Variants in LRBA observed in about 807,000 individuals in gnomAD.
LRBA encodes the protein LPS responsive beige-like anchor protein.
A neutral mutation model predicts 330.0 loss-of-function variants in LRBA; 176 were observed. That is an observed-to-expected ratio of 0.53 (90% CI 0.47 to 0.60). The LOEUF is 0.60. Ranked by LOEUF, LRBA falls within the 20% of genes least tolerant of loss-of-function variation. The probability of loss-of-function intolerance (pLI) is 0.00; values close to 1 mark genes in which losing one functional copy is unlikely to be tolerated. For synonymous variants in LRBA, 1,230 were observed against 1,193.0 expected (o/e 1.03, Z -0.64); for missense variants, 3,259 against 3,444.8 (o/e 0.95, Z 1.35).
chr4:150,589,632 C>A (rs897942344), intron 39 of LRBA, among the ~76,000 whole-genome samples: 2 of 152,234 alleles, frequency 1.3e-5, no homozygotes, highest in African/African-American at 4.8e-5. Flanking sequence ...CTAGGTCCTA[C>A]AGAAGACCCC....
intron 37 of LRBA, among the ~76,000 whole-genome samples, chr4:150,660,669 CG>C (rs1780963493): frequency 1.5e-5 from 2 of 137,264 alleles, no homozygotes; most frequent in Non-Finnish European, 3.2e-5. Flanking sequence ...GGATGGTTGC[CG>C]TGTCTGTGTA....
chr4:150,722,809 G>A (rs907109955), intron 36 of LRBA, among the ~76,000 whole-genome samples: 2 of 151,820 alleles, frequency 1.3e-5, no homozygotes, highest in Admixed American at 6.6e-5. Flanking sequence ...GCATTGAGGG[G>A]GGCAGGAGAG....
chr4:150,852,058 G>C lies in LRBA; in HGVS notation c.3652C>G (p.Leu1218Val). Residue 1218 changes from leucine (L) to valine (V), a missense_variant, in exon 23 of 57, where the codon CTC becomes GTC. Physicochemically the swap from Leu to Val is conservative, Grantham distance 32. Transcript: ENST00000651943. ...MLEEGKKATN[L>V]TRETKLINDC... is the part of the protein sequence containing the mutation. ...TTAATTAATTTGGTTTCTCTAGTGA[G>C]GTTAGTTGCTTTCTTCCCTTCCTCC... is the stretch of plus-strand genomic sequence containing the variant. 1 of 1,614,100 alleles carries C rather than the reference G, an allele frequency of 6.2e-7. No homozygotes were observed.
intron 46 of LRBA, among the ~76,000 whole-genome samples, chr4:150,422,265 C>A (rs998030602): frequency 3.3e-5 from 5 of 151,996 alleles, no homozygotes; most frequent in African/African-American, 7.2e-5. Context: ...TGTCTCAAAA[C>A]AAAAACCCAA....
At chr4:150,967,207 C>T (rs1196517019) in intron 2 of LRBA, among the ~76,000 whole-genome samples, 1 of 152,188 alleles carries the variant, frequency 6.6e-6, no homozygotes, top group African/African-American at 2.4e-5. Context: ...CCACCTCAAG[C>T]TTCTCAAGAC....
chr4:150,659,716 A>G (rs1581959014), intron 37 of LRBA, among the ~76,000 whole-genome samples: 1 of 6,894 alleles, frequency 1.5e-4, no homozygotes, highest in African/African-American at 1.9e-4. Flanking sequence ...GCCATCCGGG[A>G]GGGAGGTGGG....
intron 37 of LRBA, among the ~76,000 whole-genome samples, chr4:150,670,570 C>T (rs1053767891): frequency 5.3e-5 from 8 of 152,284 alleles, no homozygotes; most frequent in African/African-American, 1.7e-4. Context: ...AAATGGCATA[C>T]AGAAACTAAG....
chr4:150,916,928 T>C (rs1318473990), intron 5 of LRBA, among the ~76,000 whole-genome samples, 190 bp from the exon 6 acceptor site: 2 of 151,978 alleles, frequency 1.3e-5, no homozygotes, highest in East Asian at 1.9e-4. Context: ...CCGAGGCAGG[T>C]GCATCACAAG....
chr4:150,674,916 A>C (rs947535691), intron 37 of LRBA, among the ~76,000 whole-genome samples: 4 of 151,740 alleles, frequency 2.6e-5, no homozygotes, highest in African/African-American at 9.7e-5. Context: ...ACTAATACCA[A>C]CTACTAATAT....
intron 17 of LRBA, among the ~76,000 whole-genome samples, chr4:150,876,402 A>G (rs1227823399): frequency 3.3e-5 from 5 of 152,196 alleles, no homozygotes. Context: ...TCACCACAGC[A>G]TATAGTCACC....
At chr4:150,587,998 G>T (rs1183781406) in intron 40 of LRBA, 50 bp downstream of exon 40, 1 of 1,583,302 alleles carries the variant, frequency 6.3e-7, no homozygotes, top group South Asian at 1.2e-5. Flanking sequence ...CTATCCAACA[G>T]CACCCACCAT....
chr4:150,865,508 A>C (rs1280371050), intron 22 of LRBA, among the ~76,000 whole-genome samples: 1 of 152,146 alleles, frequency 6.6e-6, no homozygotes, highest in Non-Finnish European at 1.5e-5. Flanking sequence ...AACCTCAACA[A>C]TACAGTGACT....
chr4:150,819,212 T>A (rs1422691765), intron 30 of LRBA, among the ~76,000 whole-genome samples: 1 of 150,962 alleles, frequency 6.6e-6, no homozygotes, highest in African/African-American at 2.4e-5. Context: ...AACATGCATG[T>A]CTAGAACAGA....
At chr4:151,007,980 G>A (rs1744309252) in intron 2 of LRBA, among the ~76,000 whole-genome samples, 1 of 151,820 alleles carries the variant, frequency 6.6e-6, no homozygotes. Context: ...ATGAACACAG[G>A]ATGTAAATGC....
At chr4:150,751,436 AT>A (rs901446336) in intron 35 of LRBA, among the ~76,000 whole-genome samples, 13 of 150,950 alleles carry the variant, frequency 8.6e-5, no homozygotes, top group East Asian at 1.9e-4. Context: ...TATCTAAATG[AT>A]TTTTTTTTGC....
In LRBA at chr4:150,675,074, A is replaced by G. The variant is rs541260832; in HGVS notation, c.5921+8477T>C. 2.0e-5 allele frequency among the ~76,000 whole-genome samples: 3 copies of G among 152,122 alleles called. No homozygotes were observed. In the South Asian group the frequency reaches 6.2e-4, roughly 32 times the overall value. ...GCCCAGAAAGAAAAAAAAAATAGCC[A>G]GATGTGGCATGAGCCTCAGGGAGGC... On this transcript the variant is annotated intron_variant, in intron 37 of 56. Transcript: ENST00000651943.
chr4:150,899,554 T>C (rs1434737356), intron 14 of LRBA, among the ~76,000 whole-genome samples: 1 of 152,188 alleles, frequency 6.6e-6, no homozygotes. Context: ...CTGCTAGACA[T>C]GATGAATGAA....
chr4:150,580,171 C>T (rs1771104312), intron 40 of LRBA: 1 of 161,760 alleles, frequency 6.2e-6, no homozygotes. Flanking sequence ...GTCAAGCAGC[C>T]CAAGTCTCTG....
At chr4:150,973,204 G>C (rs954329394) in intron 2 of LRBA, among the ~76,000 whole-genome samples, 1 of 152,060 alleles carries the variant, frequency 6.6e-6, no homozygotes, top group Non-Finnish European at 1.5e-5. Flanking sequence ...TTTTGCTCTT[G>C]TTGCCCAGGC....
Sources: allele counts gnomAD v4.1 joint callset (sites outside exome capture counted in the v4.1 genomes callset), GRCh38; gene constraint gnomAD v4.1.1; transcripts MANE v1.5; gene names NCBI Gene and HGNC (gene_info 2026-07-23, HGNC 2026-07-21).